Variants in ATG10 observed in about 807,000 individuals in gnomAD.
ATG10 encodes the protein ubiquitin-like-conjugating enzyme ATG10.
ATG10 carries 30 observed loss-of-function variants against 32.1 expected under a neutral mutation model. That is an observed-to-expected ratio of 0.94 (90% CI 0.70 to 1.27). ATG10 has a LOEUF of 1.27. ATG10 is among the 50% of genes most tolerant of loss of function. The pLI is 0.00. For missense variants in ATG10, 233 were observed against 262.3 expected (o/e 0.89, Z 0.77); for synonymous variants, 87 against 91.5 (o/e 0.95, Z 0.28).
intron 3 of ATG10, among the ~76,000 whole-genome samples, chr5:82,103,365 C>G (rs141499541): frequency 6.6e-5 from 10 of 152,134 alleles, no homozygotes; most frequent in Admixed American, 5.9e-4. Context: ...TAGCAGGGAC[C>G]CCATTAAGCC....
At chr5:82,023,852 C>T (rs1218359930) in intron 2 of ATG10, among the ~76,000 whole-genome samples, 3 of 152,186 alleles carry the variant, frequency 2.0e-5, no homozygotes, top group Non-Finnish European at 2.9e-5. Context: ...TCTTCCAAGT[C>T]TTATAAACCC....
rs1003094522 is a variant in ATG10, at chr5:81,988,290, C to T, written c.108+612C>T. Among the ~76,000 whole-genome samples, 3 of 152,034 alleles carry T rather than the reference C, an allele frequency of 2.0e-5. 1 individual carries two copies. In the South Asian group the frequency reaches 6.2e-4, roughly 32 times the overall value. On this transcript the variant is annotated intron_variant, in intron 2 of 7. Coordinates refer to ENST00000282185, the MANE Select transcript of ATG10 (RefSeq NM_031482.5). ...TAGCTGGGACTACAGATGTGCACCA[C>T]CACACCTGCCTAAATTTTTTGTATT... is the stretch of plus-strand genomic sequence containing the variant.
intron 1 of ATG10, among the ~76,000 whole-genome samples, chr5:81,978,289 C>CA (rs1298428214): frequency 2.6e-5 from 4 of 152,080 alleles, no homozygotes; most frequent in African/African-American, 9.7e-5. Context: ...AGGCTGGTCT[C>CA]AAACTCCTGA....
chr5:82,172,289 G>A lies in ATG10; in HGVS notation c.356-6201G>A, dbSNP rs1210156259. On this transcript the variant is annotated intron_variant, in intron 4 of 7. Coordinates refer to ENST00000282185, the MANE Select transcript of ATG10 (RefSeq NM_031482.5). Reference sequence around the variant, plus strand: ...AACACATATAATGTAGTGGTGAAAAGCGCATGGTCTAGAGTCAGAAAACTT... The same window carrying A: ...AACACATATAATGTAGTGGTGAAAAACGCATGGTCTAGAGTCAGAAAACTT... Among the ~76,000 whole-genome samples, 3 of 152,174 alleles carry A rather than the reference G, an allele frequency of 2.0e-5. No homozygotes were observed. In the South Asian group the frequency reaches 6.2e-4, roughly 31 times the overall value.
At chr5:82,042,723 A>G (rs953856598) in intron 2 of ATG10, among the ~76,000 whole-genome samples, 1 of 152,228 alleles carries the variant, frequency 6.6e-6, no homozygotes, top group Non-Finnish European at 1.5e-5. Context: ...TGCAAGTCTG[A>G]AACCCAGCAG....
chr5:82,104,249 T>G (rs1010399059), intron 3 of ATG10, among the ~76,000 whole-genome samples: 1 of 152,126 alleles, frequency 6.6e-6, no homozygotes, highest in African/African-American at 2.4e-5. Context: ...ATGTCTACCT[T>G]TAATAGATTC....
chr5:82,006,543 G>A (rs1212216407), intron 2 of ATG10, among the ~76,000 whole-genome samples: 2 of 152,066 alleles, frequency 1.3e-5, no homozygotes, highest in Non-Finnish European at 2.9e-5. Context: ...GGCTGTTCAT[G>A]TGTGCTCTGT....
chr5:82,104,649 T>TTAC (rs1165357345), intron 3 of ATG10, among the ~76,000 whole-genome samples: 1 of 152,080 alleles, frequency 6.6e-6, no homozygotes, highest in Non-Finnish European at 1.5e-5. Context: ...GAGCAGAGAG[T>TTAC]TACAATAATT....
intron 4 of ATG10, among the ~76,000 whole-genome samples, chr5:82,176,991 T>C (rs962477673): frequency 1.3e-5 from 2 of 152,176 alleles, no homozygotes; most frequent in Non-Finnish European, 2.9e-5. Flanking sequence ...ATTAGTATGG[T>C]ACTATATCAA....
intron 5 of ATG10, among the ~76,000 whole-genome samples, chr5:82,233,373 T>A (rs913847176): frequency 6.6e-6 from 1 of 152,240 alleles, no homozygotes; most frequent in African/African-American, 2.4e-5. Context: ...AGCAGTCTAT[T>A]ATCTGTTAAT....
chr5:82,000,849 G>A (rs1761827808), intron 2 of ATG10, among the ~76,000 whole-genome samples: 2 of 152,132 alleles, frequency 1.3e-5, no homozygotes, highest in Admixed American at 6.5e-5. Context: ...TAGAGATGGG[G>A]TTTCACCATG....
At chr5:82,120,902 T>C (rs1766015971) in intron 3 of ATG10, among the ~76,000 whole-genome samples, 1 of 152,234 alleles carries the variant, frequency 6.6e-6, no homozygotes, top group African/African-American at 2.4e-5. Context: ...TAAAAGGTTC[T>C]AATATTTTTG....
At chr5:82,087,867 A>G (rs1053149735) in intron 3 of ATG10, among the ~76,000 whole-genome samples, 8 of 152,144 alleles carry the variant, frequency 5.3e-5, no homozygotes, top group African/African-American at 1.9e-4. Context: ...TGCAGGTGAT[A>G]GATAGGTTTG....
chr5:82,103,415 G>A (rs2149806067), intron 3 of ATG10, among the ~76,000 whole-genome samples: 2 of 152,196 alleles, frequency 1.3e-5, no homozygotes, highest in South Asian at 4.2e-4. Context: ...TCTAAGTTTA[G>A]CATCTCCTTG....
chr5:81,976,318 G>A (rs1215882750), intron 1 of ATG10: 10 of 152,254 alleles, frequency 6.6e-5, no homozygotes, highest in African/African-American at 2.4e-4. Context: ...CTGTTGTACA[G>A]TTATTAAAGG....
At chr5:82,132,893 C>T (rs1328017241) in intron 3 of ATG10, among the ~76,000 whole-genome samples, 2 of 152,158 alleles carry the variant, frequency 1.3e-5, no homozygotes, top group East Asian at 1.9e-4. Flanking sequence ...ACATCCTCTC[C>T]AGCATCTATT....
At chr5:82,119,987 TG>T (rs1765981806) in intron 3 of ATG10, among the ~76,000 whole-genome samples, 1 of 45,450 alleles carries the variant, frequency 2.2e-5, no homozygotes, top group Non-Finnish European at 4.1e-5. Context: ...CCATTTATTG[TG>T]TGTGTGTGTG....
At chr5:82,099,940 T>C (rs1765202363) in intron 3 of ATG10, among the ~76,000 whole-genome samples, 1 of 143,000 alleles carries the variant, frequency 7.0e-6, no homozygotes, top group Non-Finnish European at 1.6e-5. Flanking sequence ...AATGTACTAA[T>C]AGATTTTTTT....
At chr5:81,972,512 CT>C (rs1760752193) in intron 1 of ATG10, 1 of 152,296 alleles carries the variant, frequency 6.6e-6, no homozygotes, top group Non-Finnish European at 1.5e-5. Context: ...GGCGAGGACA[CT>C]CCCTCCTCGG....
Sources: gnomAD v4.1 joint callset for allele counts (sites outside exome capture counted in the v4.1 genomes callset) on GRCh38, gnomAD v4.1.1 for gene constraint, MANE v1.5 for transcripts, NCBI Gene and HGNC (gene_info 2026-07-23, HGNC 2026-07-21) for gene names.